HTR1F: variants seen among roughly 807,000 people sequenced by gnomAD.
HTR1F encodes the protein 5-hydroxytryptamine (serotonin) receptor 1F, G protein-coupled.
Under a neutral mutation model 24.0 loss-of-function variants are expected in HTR1F, and 17 were observed. The observed-to-expected ratio is 0.71, with a 90% CI of 0.48 to 1.06. The LOEUF is 1.06. HTR1F is among the 50% of genes least tolerant of loss of function. HTR1F has a pLI of 0.00. For synonymous variants in HTR1F, 186 were observed against 156.8 expected (o/e 1.19, Z -1.39); for missense variants, 391 against 427.8 (o/e 0.91, Z 0.76).
chr3:87,866,847 CGT>C (rs1269236031), intron 2 of HTR1F, among the ~76,000 whole-genome samples: 1 of 111,616 alleles, frequency 9.0e-6, no homozygotes, highest in African/African-American at 5.6e-5. Context: ...TGTGTGTGTG[CGT>C]GTGTGTGTTC....
At chr3:87,922,272 T>TTTC (rs1225018226) in intron 2 of HTR1F, among the ~76,000 whole-genome samples, 1 of 151,990 alleles carries the variant, frequency 6.6e-6, no homozygotes, top group Non-Finnish European at 1.5e-5. Context: ...TTTTCCTGAT[T>TTTC]AATGATGTTG....
intron 2 of HTR1F, among the ~76,000 whole-genome samples, chr3:87,980,198 T>C (rs996389902): frequency 2.0e-5 from 3 of 152,210 alleles, no homozygotes; most frequent in South Asian, 2.1e-4. Context: ...GAATGCTTTA[T>C]TGAGCAATAT....
At chr3:87,905,089 C>T (rs1373646585) in intron 2 of HTR1F, among the ~76,000 whole-genome samples, 2 of 151,904 alleles carry the variant, frequency 1.3e-5, no homozygotes, top group Non-Finnish European at 2.9e-5. Context: ...GGGAGGATAG[C>T]TTGACGCCAG....
intron 2 of HTR1F, among the ~76,000 whole-genome samples, chr3:87,960,741 T>C (rs1328935886): frequency 1.3e-5 from 2 of 152,044 alleles, no homozygotes; most frequent in Non-Finnish European, 2.9e-5. Context: ...GCCTTTCCTA[T>C]TCTCTGTTAC....
At chr3:87,815,592 C>G (rs1275625843) in intron 1 of HTR1F, among the ~76,000 whole-genome samples, 3 of 152,020 alleles carry the variant, frequency 2.0e-5, no homozygotes, top group Non-Finnish European at 2.9e-5. Context: ...GACCAGTTTA[C>G]CTTGATGATC....
intron 2 of HTR1F, among the ~76,000 whole-genome samples, chr3:87,824,220 G>T (rs2107132813): frequency 6.6e-6 from 1 of 152,190 alleles, no homozygotes; most frequent in Middle Eastern, 3.4e-3. Flanking sequence ...ATCTAAACTT[G>T]TTCCTCCACA....
At chr3:87,886,902 A>G (rs1705960589) in intron 2 of HTR1F, among the ~76,000 whole-genome samples, 2 of 152,234 alleles carry the variant, frequency 1.3e-5, no homozygotes, top group South Asian at 4.1e-4. Context: ...CATACTGCCC[A>G]AGGTAATTTA....
chr3:87,887,727 C>G (rs907368872), intron 2 of HTR1F, among the ~76,000 whole-genome samples: 3 of 152,208 alleles, frequency 2.0e-5, no homozygotes, highest in African/African-American at 7.2e-5. Flanking sequence ...AATTGCTCAT[C>G]ATCACTGGTC....
At chr3:87,920,869 CTAAAA>C (rs1204584643) in intron 2 of HTR1F, among the ~76,000 whole-genome samples, 1 of 151,948 alleles carries the variant, frequency 6.6e-6, no homozygotes, top group African/African-American at 2.4e-5. Flanking sequence ...GCCCCTGAAC[CTAAAA>C]TAAAAGTTTT....
intron 1 of HTR1F, among the ~76,000 whole-genome samples, chr3:87,812,351 G>A (rs528473514): frequency 2.1e-4 from 32 of 152,278 alleles, no homozygotes; most frequent in Admixed American, 5.2e-4. Flanking sequence ...GGTCTGAGAT[G>A]GAGATGAGGA....
chr3:87,964,329 C>T (rs1187063180), intron 2 of HTR1F, among the ~76,000 whole-genome samples: 1 of 152,096 alleles, frequency 6.6e-6, no homozygotes, highest in Non-Finnish European at 1.5e-5. Flanking sequence ...TACCCATAAG[C>T]ATACCAATAA....
chr3:87,800,727 C>T (rs2107065017), intron 1 of HTR1F, among the ~76,000 whole-genome samples: 1 of 152,250 alleles, frequency 6.6e-6, no homozygotes, highest in Non-Finnish European at 1.5e-5. Context: ...GTAAACAAGC[C>T]ATGTTATGTA....
intron 2 of HTR1F, among the ~76,000 whole-genome samples, chr3:87,869,420 GATAGATAGATAGATAC>G (rs1294243645): frequency 2.8e-3 from 386 of 136,448 alleles, no homozygotes; most frequent in Middle Eastern, 0.015. Flanking sequence ...TAGATAGATA[GATAGATAGATAGATAC>G]ATAGATAGAT....
At chr3:87,837,492 A>G (rs576309862) in intron 2 of HTR1F, among the ~76,000 whole-genome samples, 47 of 152,162 alleles carry the variant, frequency 3.1e-4, no homozygotes, top group Admixed American at 1.7e-3. Flanking sequence ...CGGAAGCTGA[A>G]TATGTGTCCA....
chr3:87,874,073 G>A (rs1215338473), intron 2 of HTR1F, among the ~76,000 whole-genome samples: 1 of 152,056 alleles, frequency 6.6e-6, no homozygotes, highest in Non-Finnish European at 1.5e-5. Flanking sequence ...AACAAGACAA[G>A]GAGATGTCCA....
chr3:87,851,225 C>A (rs188857450), intron 2 of HTR1F, among the ~76,000 whole-genome samples: 1 of 151,598 alleles, frequency 6.6e-6, no homozygotes, highest in Non-Finnish European at 1.5e-5. Flanking sequence ...TTGCAATTCT[C>A]TTTTTTCACT....
chr3:87,922,115 A>G (rs1448568092), intron 2 of HTR1F, among the ~76,000 whole-genome samples: 1 of 151,972 alleles, frequency 6.6e-6, no homozygotes, highest in African/African-American at 2.4e-5. Flanking sequence ...TGTTTTCCAT[A>G]ATGGGCATAC....
At chr3:87,846,363 G>A (rs1704943922) in intron 2 of HTR1F, among the ~76,000 whole-genome samples, 1 of 151,882 alleles carries the variant, frequency 6.6e-6, no homozygotes, top group African/African-American at 2.4e-5. Context: ...GAACCTGGGA[G>A]GCAGAGGTTG....
Position 87,991,214 on chromosome 3 carries a change from T to C in HTR1F, c.465T>C (p.Ser155=). Residue 155 remains serine (S), a synonymous_variant, in exon 3 of 3, where the codon TCT becomes TCC. Coordinates refer to ENST00000319595, the MANE Select transcript of HTR1F (RefSeq NM_001322209.2). ...TTTGGATTATATCTGTTTTTATCTC[T>C]ATGCCTCCTCTATTCTGGAGGCACC... ...TIVWIISVFI[S]MPPLFWRHQG... is the part of the protein sequence containing the mutation. 6.2e-7 allele frequency: 1 copy of C among 1,614,006 alleles called. No individual in the cohort carries two copies. The highest frequency in any genetic ancestry group is 8.5e-7 in the Non-Finnish European group (1 of 1,179,952).
Sources: gnomAD v4.1 joint callset for allele counts (sites outside exome capture counted in the v4.1 genomes callset) on GRCh38, gnomAD v4.1.1 for gene constraint, MANE v1.5 for transcripts, NCBI Gene and HGNC (gene_info 2026-07-23, HGNC 2026-07-21) for gene names.